Variants in SLC38A5 observed in about 807,000 individuals in gnomAD.
The protein encoded by SLC38A5 is sodium-coupled neutral amino acid transporter 5.
Under a neutral mutation model 34.6 loss-of-function variants are expected in SLC38A5, and 9 were observed. The ratio of observed to expected loss-of-function variants is 0.26; its 90% CI spans 0.16 to 0.45. The LOEUF (loss-of-function observed/expected upper bound fraction) is 0.45, where lower values mean the gene tolerates loss of function less well. Ranked by LOEUF, SLC38A5 falls within the 20% of genes least tolerant of loss-of-function variation. The pLI is 1.00. For synonymous variants in SLC38A5, 157 were observed against 155.6 expected, an observed-to-expected ratio of 1.01 and a Z score of -0.07; for missense variants, 253 against 394.7, an observed-to-expected ratio of 0.64 and a Z score of 3.04.
At position 48,461,303 on chromosome X, in the gene SLC38A5, G is replaced by A. The variant is rs782571452; in HGVS notation, c.852-217C>T. On this transcript the variant is annotated intron_variant, in intron 12 of 16. Transcript: ENST00000620913. ...ATATGACTGTCTCCCTCTCCCCTGCGTTTGACTGCCACTGCCTCTTCCATC... is the reference window on the plus strand; with the variant it reads ...ATATGACTGTCTCCCTCTCCCCTGCATTTGACTGCCACTGCCTCTTCCATC... Among the ~76,000 whole-genome samples the A allele has an allele frequency of 8.1e-5, 9 of 110,665 alleles. No homozygotes were observed. In the East Asian group the frequency reaches 1.1e-3, roughly 14 times the overall value.
rs2061436558 is a variant in SLC38A5 at position 48,461,871 on chromosome X, C to A, written c.772-74G>T. 3.5e-6 allele frequency: 4 copies of A among 1,136,822 alleles called. No individual in the cohort carries two copies. In the South Asian group the frequency reaches 8.2e-5, roughly 23 times the overall value. The allele number at this position is 1,136,822 out of a possible 1,213,427, so 93.7% of individuals were successfully genotyped here. A position where few individuals can be genotyped will look rare whatever the true frequency, so the allele number is the denominator to read the frequency against. On this transcript the variant is annotated intron_variant, in intron 11 of 16. Coordinates refer to ENST00000620913, the MANE Select transcript of SLC38A5 (RefSeq NM_033518.4). ...CCCTTCTTCCCATCCCCCTCCCGCC[C>A]CGTAATCGCCCTCCATATCAGACAC... is the stretch of plus-strand genomic sequence containing the variant.
chrX:48,460,780 G>A lies in SLC38A5; in HGVS notation c.953-16C>T, dbSNP rs2061428497. ...TTCACACTGCCTGGGCCATGAGACA[G>A]AGGGTACGGGATGCAGGATGTGGAG... On this transcript the variant is annotated splice_polypyrimidine_tract_variant and intron_variant, in intron 13 of 16. Coordinates refer to ENST00000620913, the MANE Select transcript of SLC38A5 (RefSeq NM_033518.4). 1 of 1,194,576 alleles carries A rather than the reference G, an allele frequency of 8.4e-7. No individual in the cohort carries two copies. Among genetic ancestry groups the A allele is most frequent in the African/African-American group, 1.7e-5 (1 of 57,144 alleles).
At position 48,461,804 on chromosome X, in the gene SLC38A5, G is replaced by T. The variant is rs1556961955; in HGVS notation, c.772-7C>A. On this transcript the variant is annotated splice_polypyrimidine_tract_variant and splice_region_variant and intron_variant, in intron 11 of 16. Transcript: ENST00000620913. ...TGGGCACTGTGTAGGACATCTAGGGGAATGCCCGAGTACATGGGATTAGAG... is the reference window on the plus strand; with the variant it reads ...TGGGCACTGTGTAGGACATCTAGGGTAATGCCCGAGTACATGGGATTAGAG... The T allele has an allele frequency of 8.3e-7, 1 of 1,206,099 alleles. No homozygotes were observed. The highest frequency in any genetic ancestry group is 1.1e-6 in the Non-Finnish European group (1 of 892,327).
At chrX:48,459,448 A>T in intron 16 of SLC38A5, 88 bp downstream of exon 16, 1 of 822,396 alleles carries the variant, frequency 1.2e-6, no homozygotes. Flanking sequence ...CCTCCTATGC[A>T]TGTCCCTTTC....
rs1007346515 is a variant in SLC38A5, at chrX:48,458,649, C to A, written c.*284G>T. On this transcript the variant is annotated 3_prime_UTR_variant, in exon 17 of 17. Coordinates refer to ENST00000620913, the MANE Select transcript of SLC38A5 (RefSeq NM_033518.4). The stretch of plus-strand genomic sequence containing the variant: ...GGACTGGGCTGGGCAAAGGCTCCAC[C>A]AGGACCTGGCCTCCTCCTCCTCCTC... 7 of 972,051 alleles carry A rather than the reference C, an allele frequency of 7.2e-6. No individual in the cohort carries two copies. The African/African-American group carries it at 1.2e-4, about 17-fold the overall frequency. The allele number at this position is 972,051 out of a possible 1,213,427, so 80.1% of individuals were successfully genotyped here. A position where few individuals can be genotyped will look rare whatever the true frequency, so the allele number is the denominator to read the frequency against.
chrX:48,459,241 C>T (rs1556961337), intron 16 of SLC38A5: 3 of 461,694 alleles, frequency 6.5e-6, no homozygotes, highest in Non-Finnish European at 7.4e-6. Context: ...GTTCCTCCAT[C>T]CTCCTTCTTC....
At chrX:48,460,933 C>T in intron 13 of SLC38A5, 53 bp downstream of exon 13, 1 of 1,080,039 alleles carries the variant, frequency 9.3e-7, no homozygotes. Flanking sequence ...AGCTCAGAGG[C>T]TCCTGCCCCA....
At chrX:48,459,934 G>A (rs1416700407) in intron 14 of SLC38A5, 58 bp from the exon 15 acceptor site, 22 of 1,156,731 alleles carry the variant, frequency 1.9e-5, no homozygotes, top group African/African-American at 1.1e-4. Context: ...CCCCTTCCAC[G>A]TGATCATCTG....
Position 48,461,095 on chromosome X carries a change from T to C in SLC38A5, c.852-9A>G. 3 of 1,198,400 alleles carry C rather than the reference T, an allele frequency of 2.5e-6. No individual in the cohort carries two copies. The highest frequency in any genetic ancestry group is 3.4e-6 in the Non-Finnish European group (3 of 886,516). On this transcript the variant is annotated splice_polypyrimidine_tract_variant and intron_variant, in intron 12 of 16. Transcript: ENST00000620913. ...TCCTGCGCTTGGAGGGCCTGAGGTG[T>C]AGAGGTCGTGGAACTGTCATGCCCA...
chrX:48,467,505 C>A, intron 4 of SLC38A5: 1 of 443,664 alleles, frequency 2.3e-6, no homozygotes, highest in Non-Finnish European at 3.9e-6. Context: ...TGGGGAGAAA[C>A]AAGGCCAGGG....
Position 48,459,954 on chromosome X carries a change from C to T in SLC38A5, c.1069-78G>A, listed in dbSNP as rs1176404528. The T allele has an allele frequency of 4.5e-6, 5 of 1,119,102 alleles. No individual in the cohort carries two copies. In the East Asian group the frequency reaches 1.6e-4, roughly 35 times the overall value. The allele number at this position is 1,119,102 out of a possible 1,213,427, so 92.2% of individuals were successfully genotyped here. ...TCCACGTGATCATCTGTCTTTAGCT[C>T]CACCCTCTGGCTGAGATCCCTGATT... On this transcript the variant is annotated intron_variant, in intron 14 of 16. Transcript: ENST00000620913.
chrX:48,460,847 C>A, intron 13 of SLC38A5, 83 bp from the exon 14 acceptor site: 1 of 1,038,442 alleles, frequency 9.6e-7, no homozygotes, highest in Non-Finnish European at 1.3e-6. Flanking sequence ...TACATACATG[C>A]ACAGTGACAA....
chrX:48,463,879 GAA>G (rs1336903412), intron 8 of SLC38A5, among the ~76,000 whole-genome samples: 1 of 102,999 alleles, frequency 9.7e-6, no homozygotes, highest in African/African-American at 3.7e-5. Flanking sequence ...AAGAAAGAAA[GAA>G]AGAAAGAAAG....
rs112151553 is a variant in SLC38A5, at chrX:48,466,743, G to C, written c.319+56C>G. On this transcript the variant is annotated intron_variant, in intron 6 of 16. Coordinates refer to ENST00000620913, the MANE Select transcript of SLC38A5 (RefSeq NM_033518.4). Reference sequence around the variant, plus strand: ...GTGTTGAGCTCTGGATGTGGCTCCAGAGTCTGGGGTCCAAAGGGGTGGAGT... The same window carrying C: ...GTGTTGAGCTCTGGATGTGGCTCCACAGTCTGGGGTCCAAAGGGGTGGAGT... 336 of 1,121,398 alleles carry C rather than the reference G, an allele frequency of 3.0e-4. 6 individuals carry two copies. The African/African-American group carries it at 4.6e-3, about 16-fold the overall frequency. 92.4% of individuals were successfully genotyped at this position (1,121,398 alleles called of 1,213,427 possible). A position where few individuals can be genotyped will look rare whatever the true frequency, so the allele number is the denominator to read the frequency against.
At chrX:48,464,796 T>C (rs940736989) in intron 8 of SLC38A5, among the ~76,000 whole-genome samples, 8 of 109,956 alleles carry the variant, frequency 7.3e-5, no homozygotes, top group African/African-American at 2.7e-4. Flanking sequence ...TAACCGAGCA[T>C]GGTGGTGCAT....
chrX:48,468,300 C>G (rs2061493831), intron 2 of SLC38A5: 1 of 836,575 alleles, frequency 1.2e-6, no homozygotes, highest in African/African-American at 2.2e-5. Flanking sequence ...AGACCCCAGA[C>G]TCACGCTGTC....
intron 2 of SLC38A5, chrX:48,468,349 C>T (rs1302180978): frequency 7.7e-6 from 6 of 775,795 alleles, no homozygotes; most frequent in African/African-American, 7.0e-5. Flanking sequence ...CGGTCCCCCG[C>T]GCCACCCCCT....
chrX:48,458,580 G>A lies in SLC38A5; in HGVS notation c.*353C>T, dbSNP rs868910309. On this transcript the variant is annotated 3_prime_UTR_variant, in exon 17 of 17. Coordinates refer to ENST00000620913, the MANE Select transcript of SLC38A5 (RefSeq NM_033518.4). ...CATCTTTATTTTTCCTCTTTAGCCC[G>A]AGGGTAATCCTGACAAACAGCTTCA... 14 of 846,214 alleles carry A rather than the reference G, an allele frequency of 1.7e-5. No individual in the cohort carries two copies. Among genetic ancestry groups the A allele is most frequent in the African/African-American group, 1.3e-4 (6 of 47,093 alleles). 69.7% of individuals were successfully genotyped at this position (846,214 alleles called of 1,213,427 possible). A position where few individuals can be genotyped will look rare whatever the true frequency, so the allele number is the denominator to read the frequency against.
rs201040223 is a variant in SLC38A5, at chrX:48,459,733, G to A, written c.1212C>T (p.Ile404=). 3.1e-5 allele frequency: 38 copies of A among 1,208,246 alleles called. No individual in the cohort carries two copies. Among genetic ancestry groups the A allele is most frequent in the South Asian group, 7.1e-5 (4 of 56,446 alleles). ...GGGACTGGGGTGAGGTTTACTGACCGATAACTCCAAAGATATCCCGGATGG... is the reference window on the plus strand; with the variant it reads ...GGGACTGGGGTGAGGTTTACTGACCAATAACTCCAAAGATATCCCGGATGG... ...VPTIRDIFGV[I]GSTSAPSLIF... is the part of the protein sequence containing the mutation. The change falls in exon 15 of 17, where the codon ATC becomes ATT. Residue 404 remains isoleucine, a splice_region_variant and synonymous_variant. Coordinates refer to ENST00000620913, the MANE Select transcript of SLC38A5 (RefSeq NM_033518.4).
Sources: allele counts gnomAD v4.1 joint callset (sites outside exome capture counted in the v4.1 genomes callset), GRCh38; gene constraint gnomAD v4.1.1; transcripts MANE v1.5; gene names NCBI Gene and HGNC (gene_info 2026-07-23, HGNC 2026-07-21).